ACAD11: variants seen among roughly 807,000 people sequenced by gnomAD.
ACAD11 encodes the protein acyl-Coenzyme A dehydrogenase family, member 11.
In ACAD11, 83 loss-of-function variants were observed where a neutral mutation model predicts 102.2. That is an observed-to-expected ratio of 0.81 (90% CI 0.68 to 0.97). The LOEUF (loss-of-function observed/expected upper bound fraction) is 0.97. Among genes scored for constraint, ACAD11 ranks in the 50% least tolerant of loss-of-function variants. ACAD11 has a pLI of 0.00. For synonymous variants in ACAD11, 324 were observed against 319.8 expected (o/e 1.01, Z -0.14); for missense variants, 901 against 951.7 (o/e 0.95, Z 0.70).
intron 8 of ACAD11, among the ~76,000 whole-genome samples, chr3:132,627,572 C>G (rs1189913732): frequency 6.6e-6 from 1 of 152,206 alleles, no homozygotes; most frequent in African/African-American, 2.4e-5. Context: ...ACACTGCATG[C>G]TCTCACTCGT....
At chr3:132,623,460 T>G (rs942411330) in intron 9 of ACAD11, among the ~76,000 whole-genome samples, 1 of 152,146 alleles carries the variant, frequency 6.6e-6, no homozygotes, top group Non-Finnish European at 1.5e-5. Flanking sequence ...ATTTGTATTG[T>G]TCACTATCAT....
chr3:132,581,669 T>G (rs1233616523), intron 13 of ACAD11, among the ~76,000 whole-genome samples: 1 of 152,116 alleles, frequency 6.6e-6, no homozygotes, highest in Non-Finnish European at 1.5e-5. Context: ...AATGTTGAAA[T>G]GCACAAGTGA....
chr3:132,603,664 T>C (rs762105427), intron 12 of ACAD11, among the ~76,000 whole-genome samples: 3 of 152,248 alleles, frequency 2.0e-5, no homozygotes, highest in Non-Finnish European at 2.9e-5. Flanking sequence ...ACAATGGAGA[T>C]ATGTACTAAA....
intron 13 of ACAD11, among the ~76,000 whole-genome samples, chr3:132,588,120 A>T (rs887982965): frequency 7.9e-5 from 12 of 151,978 alleles, no homozygotes; most frequent in African/African-American, 2.9e-4. Context: ...TGCCCATCTC[A>T]CTTTCCAAAT....
At chr3:132,659,169 A>T (rs185170664) in intron 1 of ACAD11, among the ~76,000 whole-genome samples, 207 of 152,282 alleles carry the variant, frequency 1.4e-3, no homozygotes, top group Non-Finnish European at 2.3e-3. Flanking sequence ...AAAAGCTAGT[A>T]CTCGAATTCG....
chr3:132,632,177 G>A (rs1038071642), intron 5 of ACAD11, among the ~76,000 whole-genome samples: 1 of 151,344 alleles, frequency 6.6e-6, no homozygotes, highest in Non-Finnish European at 1.5e-5. Context: ...TCCGCCTCCC[G>A]GGTTCACACC....
chr3:132,577,780 T>A (rs1018080868), intron 15 of ACAD11, among the ~76,000 whole-genome samples: 9 of 152,206 alleles, frequency 5.9e-5, no homozygotes, highest in Non-Finnish European at 1.5e-5. Flanking sequence ...GAGGTGCTAG[T>A]AAAGTTTTCA....
At chr3:132,587,664 T>C (rs1251882905) in intron 13 of ACAD11, among the ~76,000 whole-genome samples, 1 of 152,196 alleles carries the variant, frequency 6.6e-6, no homozygotes, top group Non-Finnish European at 1.5e-5. Context: ...TTAGATTGTA[T>C]TCCGGACATT....
intron 13 of ACAD11, among the ~76,000 whole-genome samples, chr3:132,602,760 A>T (rs1402473657): frequency 1.3e-5 from 2 of 152,118 alleles, no homozygotes; most frequent in African/African-American, 4.8e-5. Context: ...TTCAACCACT[A>T]TTTCTAAGTT....
chr3:132,634,993 A>G (rs1024784665), intron 5 of ACAD11, among the ~76,000 whole-genome samples: 1 of 151,952 alleles, frequency 6.6e-6, no homozygotes, highest in Non-Finnish European at 1.5e-5. Flanking sequence ...AACATGGCAC[A>G]TGTATACATA....
rs1379593605 is a variant in ACAD11 at position 132,603,212 on chromosome 3, T to A, written c.1621+17A>T. On this transcript the variant is annotated intron_variant, in intron 13 of 19. Coordinates refer to ENST00000264990, the MANE Select transcript of ACAD11 (RefSeq NM_032169.5). ...AGGATCAGTGTGTTAGGTGAAAAAATTAGGCTGAACACTCACCACTGCTCC... is the reference window on the plus strand; with the variant it reads ...AGGATCAGTGTGTTAGGTGAAAAAAATAGGCTGAACACTCACCACTGCTCC... The A allele has an allele frequency of 1.2e-6, 2 of 1,607,050 alleles. No individual in the cohort carries two copies. Among genetic ancestry groups the A allele is most frequent in the Admixed American group, 3.3e-5 (2 of 59,976 alleles).
rs1256200245 is a variant in ACAD11 at position 132,631,476 on chromosome 3, G to A, written c.706C>T (p.Arg236Ter). 24 of 1,466,194 alleles carry A rather than the reference G, an allele frequency of 1.6e-5. No individual in the cohort carries two copies. The highest frequency in any genetic ancestry group is 2.0e-5 in the Non-Finnish European group (22 of 1,104,746). The allele number at this position is 1,466,194 out of a possible 1,614,324, so 90.8% of individuals were successfully genotyped here. A position where few individuals can be genotyped will look rare whatever the true frequency, so the allele number is the denominator to read the frequency against. Residue 236 changes from arginine to a stop codon, truncating the protein, a stop_gained, in exon 6 of 20, where the codon CGA (arginine) becomes TGA (stop). Coordinates refer to ENST00000264990, the MANE Select transcript of ACAD11 (RefSeq NM_032169.5). LOFTEE classifies it high-confidence loss of function. Reference sequence around the variant, plus strand: ...TCCCAATCCAGCACTGCTATAACTCGACACTGTAATTAAAAATAAAGAGGT... The same window carrying A: ...TCCCAATCCAGCACTGCTATAACTCAACACTGTAATTAAAAATAAAGAGGT... The part of the protein sequence containing the change: ...DNIVFHPKEC[R>*]VIAVLDWELS...
At chr3:132,605,945 C>T (rs1938818951) in intron 11 of ACAD11, among the ~76,000 whole-genome samples, 1 of 152,196 alleles carries the variant, frequency 6.6e-6, no homozygotes, top group African/African-American at 2.4e-5. Context: ...CAAAGACCCT[C>T]TCTGACCCTT....
chr3:132,563,260 C>T (rs914123870), intron 17 of ACAD11, among the ~76,000 whole-genome samples: 3 of 152,140 alleles, frequency 2.0e-5, no homozygotes, highest in African/African-American at 7.2e-5. Flanking sequence ...GAGCTTTCTT[C>T]TTTTTCAAAT....
intron 1 of ACAD11, among the ~76,000 whole-genome samples, chr3:132,652,337 T>C (rs1183180438): frequency 2.0e-5 from 3 of 152,220 alleles, no homozygotes; most frequent in Admixed American, 6.5e-5. Context: ...TCCCCAGCCA[T>C]GTGGAACTGT....
At chr3:132,636,584 T>G (rs530728776) in intron 5 of ACAD11, among the ~76,000 whole-genome samples, 4 of 152,246 alleles carry the variant, frequency 2.6e-5, no homozygotes, top group Admixed American at 2.6e-4. Context: ...AGGACATGCA[T>G]AGTTGTTAGT....
chr3:132,585,533 T>C (rs887295992), intron 13 of ACAD11, among the ~76,000 whole-genome samples: 1 of 152,128 alleles, frequency 6.6e-6, no homozygotes, highest in African/African-American at 2.4e-5. Context: ...CAAAAGAAAC[T>C]ACCATCAGAG....
intron 13 of ACAD11, among the ~76,000 whole-genome samples, chr3:132,589,449 A>G (rs1012227134): frequency 1.3e-5 from 2 of 152,250 alleles, no homozygotes; most frequent in African/African-American, 4.8e-5. Flanking sequence ...GTTAGAAATT[A>G]TAGAGGAAGA....
chr3:132,658,394 C>T (rs1937934019), intron 1 of ACAD11, among the ~76,000 whole-genome samples: 1 of 152,100 alleles, frequency 6.6e-6, no homozygotes, highest in Admixed American at 6.5e-5. Flanking sequence ...TTTTTGAACA[C>T]GGTTATGGTT....
Sources: allele counts gnomAD v4.1 joint callset (sites outside exome capture counted in the v4.1 genomes callset), GRCh38; gene constraint gnomAD v4.1.1; transcripts MANE v1.5; gene names NCBI Gene and HGNC (gene_info 2026-07-23, HGNC 2026-07-21).